KCNN3: variants seen among roughly 807,000 people sequenced by gnomAD.
KCNN3 encodes the protein small conductance calcium-activated potassium channel protein 3.
Under a neutral mutation model 62.9 loss-of-function variants are expected in KCNN3, and 16 were observed. That is an observed-to-expected ratio of 0.25 (90% CI 0.17 to 0.39). The LOEUF is 0.39. Among genes scored for constraint, KCNN3 ranks in the 10% least tolerant of loss-of-function variants. The pLI, the probability that KCNN3 is intolerant of heterozygous loss-of-function variation, is 1.00. For missense variants in KCNN3, 599 were observed against 949.4 expected (o/e 0.63, Z 4.85); for synonymous variants, 370 against 389.2 (o/e 0.95, Z 0.58).
intron 2 of KCNN3, among the ~76,000 whole-genome samples, chr1:154,820,801 G>C (rs557878280): frequency 6.6e-6 from 1 of 152,324 alleles, no homozygotes; most frequent in East Asian, 1.9e-4. Context: ...CAGCATCCAG[G>C]TCAGTATCCT....
chr1:154,840,932 T>C (rs570383952), intron 1 of KCNN3, among the ~76,000 whole-genome samples: 3 of 152,276 alleles, frequency 2.0e-5, no homozygotes, highest in Non-Finnish European at 4.4e-5. Flanking sequence ...CACCCTGCCA[T>C]CTTAGGCTTC....
chr1:154,780,194 C>CTTTTTTTTTTT (rs71077969), intron 2 of KCNN3, among the ~76,000 whole-genome samples: 11 of 102,048 alleles, frequency 1.1e-4, no homozygotes, highest in African/African-American at 3.5e-4. Context: ...TTCTTTTTTT[C>CTTTTTTTTTTT]TTTTTTTTTT....
chr1:154,848,842 C>G (rs1225157777), intron 1 of KCNN3, among the ~76,000 whole-genome samples: 1 of 152,224 alleles, frequency 6.6e-6, no homozygotes, highest in Non-Finnish European at 1.5e-5. Context: ...CTCTACCGCA[C>G]TTAGCACAGT....
chr1:154,826,084 A>C (rs1651113316), intron 1 of KCNN3, among the ~76,000 whole-genome samples: 2 of 150,342 alleles, frequency 1.3e-5, no homozygotes, highest in South Asian at 4.2e-4. Context: ...CAAAAACAAA[A>C]ACAAAAAAAA....
intron 1 of KCNN3, among the ~76,000 whole-genome samples, chr1:154,845,959 C>T (rs1252667014): frequency 6.6e-6 from 1 of 152,244 alleles, no homozygotes; most frequent in East Asian, 1.9e-4. Flanking sequence ...CATAGGGCAG[C>T]CCTGGCTCCT....
chr1:154,719,946 G>A (rs1417075374), intron 5 of KCNN3, among the ~76,000 whole-genome samples: 2 of 152,212 alleles, frequency 1.3e-5, no homozygotes, highest in African/African-American at 4.8e-5. Flanking sequence ...TAGAGAGAGA[G>A]GAGGTGTATT....
chr1:154,705,717 C>T lies in KCNN3; in HGVS notation c.*2259G>A, dbSNP rs1034029867. On this transcript the variant is annotated 3_prime_UTR_variant, in exon 8 of 8. Transcript: ENST00000271915. ...ACTAAATCTCTATATGTGCACACAC[C>T]CACACTCACACCCACACGCACACAT... 6.6e-6 allele frequency: 1 copy of T among 152,060 alleles called. No individual in the cohort carries two copies. The highest frequency in any genetic ancestry group is 1.9e-4 in the East Asian group (1 of 5,190). 9.4% of individuals were successfully genotyped at this position (152,060 alleles called of 1,614,324 possible).
At chr1:154,827,479 C>T (rs1651187574) in intron 1 of KCNN3, among the ~76,000 whole-genome samples, 2 of 152,132 alleles carry the variant, frequency 1.3e-5, no homozygotes, top group Non-Finnish European at 2.9e-5. Flanking sequence ...TTAGCACAGC[C>T]TCCTCCTCCC....
At chr1:154,850,423 C>A (rs1444769149) in intron 1 of KCNN3, among the ~76,000 whole-genome samples, 1 of 152,200 alleles carries the variant, frequency 6.6e-6, no homozygotes, top group Non-Finnish European at 1.5e-5. Context: ...CCCTCCAAGC[C>A]CGGGTGCCAG....
At chr1:154,756,963 G>A (rs1380129158) in intron 3 of KCNN3, among the ~76,000 whole-genome samples, 1 of 152,180 alleles carries the variant, frequency 6.6e-6, no homozygotes, top group African/African-American at 2.4e-5. Context: ...TCTCATGAGA[G>A]CACTGCAGCT....
chr1:154,859,265 T>C (rs914287088), intron 1 of KCNN3, among the ~76,000 whole-genome samples: 3 of 152,110 alleles, frequency 2.0e-5, no homozygotes, highest in African/African-American at 7.2e-5. Flanking sequence ...ATCAGAAATC[T>C]CAAAAGGGGT....
At chr1:154,842,268 T>G (rs1651865037) in intron 1 of KCNN3, among the ~76,000 whole-genome samples, 1 of 152,160 alleles carries the variant, frequency 6.6e-6, no homozygotes, top group East Asian at 1.9e-4. Context: ...CAGGTGCGGG[T>G]GTGGGAGCAG....
intron 4 of KCNN3, among the ~76,000 whole-genome samples, chr1:154,731,356 T>G (rs1172276451): frequency 6.6e-6 from 1 of 152,260 alleles, no homozygotes; most frequent in Non-Finnish European, 1.5e-5. Context: ...CGCTAAGCTT[T>G]TTGTCATTAG....
chr1:154,839,043 C>T (rs527561364), intron 1 of KCNN3, among the ~76,000 whole-genome samples: 5 of 152,254 alleles, frequency 3.3e-5, no homozygotes, highest in Admixed American at 2.0e-4. Context: ...GGAGGGCAGT[C>T]GGGTCACTCC....
chr1:154,857,586 A>G (rs1042958438), intron 1 of KCNN3, among the ~76,000 whole-genome samples: 5 of 152,186 alleles, frequency 3.3e-5, no homozygotes, highest in African/African-American at 1.2e-4. Context: ...GAAAGAGCCC[A>G]GTCTAGGATC....
intron 3 of KCNN3, among the ~76,000 whole-genome samples, chr1:154,740,257 C>G (rs1472101625): frequency 6.6e-6 from 1 of 152,134 alleles, no homozygotes; most frequent in Non-Finnish European, 1.5e-5. Context: ...AGAAATACTG[C>G]TACAAACATT....
At chr1:154,780,579 T>C (rs977760571) in intron 2 of KCNN3, among the ~76,000 whole-genome samples, 1 of 79,294 alleles carries the variant, frequency 1.3e-5, no homozygotes, top group African/African-American at 5.1e-5. Context: ...ATATTATTTA[T>C]ATATATGTTT....
rs2101741766 is a variant in KCNN3, at chr1:154,697,505, C to A, written c.*10471G>T. The A allele has an allele frequency of 6.6e-6, 1 of 152,096 alleles. No individual in the cohort carries two copies. Among genetic ancestry groups the A allele is most frequent in the East Asian group, 1.9e-4 (1 of 5,182 alleles). 9.4% of individuals were successfully genotyped at this position (152,096 alleles called of 1,614,324 possible). On this transcript the variant is annotated 3_prime_UTR_variant, in exon 8 of 8. Coordinates refer to ENST00000271915, the MANE Select transcript of KCNN3 (RefSeq NM_002249.6). Reference sequence around the variant, plus strand: ...TTCTCTTCTTGTTTTTATTTAATGCCATAATATTATATTAGCATATGCCGT... The same window carrying A: ...TTCTCTTCTTGTTTTTATTTAATGCAATAATATTATATTAGCATATGCCGT...
chr1:154,714,135 G>T (rs1309685636), intron 6 of KCNN3, among the ~76,000 whole-genome samples: 9 of 144,946 alleles, frequency 6.2e-5, no homozygotes, highest in African/African-American at 2.3e-4. Context: ...GGTTGTGTGT[G>T]TGGTGTTTGT....
Sources: gnomAD v4.1 joint callset for allele counts (sites outside exome capture counted in the v4.1 genomes callset) on GRCh38, gnomAD v4.1.1 for gene constraint, MANE v1.5 for transcripts, NCBI Gene and HGNC (gene_info 2026-07-23, HGNC 2026-07-21) for gene names.